MGLL: variants seen among roughly 807,000 people sequenced by gnomAD.
The protein encoded by MGLL is monoglyceride lipase.
MGLL carries 7 observed loss-of-function variants against 29.1 expected under a neutral mutation model. The observed-to-expected ratio is 0.24, with a 90% CI of 0.14 to 0.45. The LOEUF (loss-of-function observed/expected upper bound fraction) is 0.45. MGLL is among the 20% of genes least tolerant of loss of function. MGLL has a pLI of 0.99. For synonymous variants in MGLL, 148 were observed against 168.3 expected, an observed-to-expected ratio of 0.88 and a Z score of 0.93; for missense variants, 356 against 413.6, an observed-to-expected ratio of 0.86 and a Z score of 1.21.
intron 6 of MGLL, among the ~76,000 whole-genome samples, chr3:127,699,242 T>G (rs549849235): frequency 9.2e-5 from 14 of 152,330 alleles, no homozygotes; most frequent in Admixed American, 9.2e-4. Context: ...GGGAAGAAAC[T>G]TTGCACTGAA....
chr3:127,822,920 C>CACACGCGCGCACACTCGG (rs1491524659), upstream of MGLL: 1 of 155,548 alleles, frequency 6.4e-6, no homozygotes, highest in Non-Finnish European at 1.4e-5. Context: ...CGCGCGCGCG[C>CACACGCGCGCACACTCGG]ACACGCGCGC....
intron 6 of MGLL, among the ~76,000 whole-genome samples, chr3:127,706,545 C>T (rs73859254): frequency 3.0e-4 from 46 of 152,318 alleles, no homozygotes; most frequent in African/African-American, 9.9e-4. Flanking sequence ...TGGTGCAGGG[C>T]GCAAAAGCAA....
At chr3:127,756,996 C>T (rs1274094778) in intron 3 of MGLL, among the ~76,000 whole-genome samples, 1 of 152,164 alleles carries the variant, frequency 6.6e-6, no homozygotes, top group South Asian at 2.1e-4. Context: ...CCCCACTGTC[C>T]CCACCCTGTA....
intron 2 of MGLL, among the ~76,000 whole-genome samples, chr3:127,820,956 C>G (rs1329672975): frequency 6.6e-6 from 1 of 152,164 alleles, no homozygotes; most frequent in Non-Finnish European, 1.5e-5. Context: ...TCCAACCACA[C>G]AATGATCCCT....
At chr3:127,748,182 T>C (rs897688692) in intron 3 of MGLL, among the ~76,000 whole-genome samples, 1 of 152,136 alleles carries the variant, frequency 6.6e-6, no homozygotes, top group African/African-American at 2.4e-5. Flanking sequence ...GTTTAATATT[T>C]TTCCATAAAA....
At chr3:127,802,934 T>C (rs1576309098) in intron 2 of MGLL, among the ~76,000 whole-genome samples, 1 of 151,972 alleles carries the variant, frequency 6.6e-6, no homozygotes, top group Non-Finnish European at 1.5e-5. Context: ...CTCGCTTCTG[T>C]GCAAGAGCTT....
chr3:127,748,448 G>T (rs1031611205), intron 3 of MGLL, among the ~76,000 whole-genome samples: 15 of 151,368 alleles, frequency 9.9e-5, no homozygotes, highest in African/African-American at 2.4e-4. Flanking sequence ...GAGAGAGAGA[G>T]ATATTCCTAT....
chr3:127,706,873 C>G (rs2075612971), intron 6 of MGLL, among the ~76,000 whole-genome samples: 1 of 152,208 alleles, frequency 6.6e-6, no homozygotes, highest in Non-Finnish European at 1.5e-5. Context: ...TGTGGTTACG[C>G]TTAAGTCGAA....
At chr3:127,701,232 A>AAAAAAAAAAAAAAC (rs1203917436) in intron 6 of MGLL, among the ~76,000 whole-genome samples, 1 of 150,890 alleles carries the variant, frequency 6.6e-6, no homozygotes, top group African/African-American at 2.4e-5. Flanking sequence ...AAAAAAAAAA[A>AAAAAAAAAAAAAAC]AGCCACCACC....
In MGLL at chr3:127,759,580, G is replaced by A. The variant is rs533723362; in HGVS notation, c.262+22209C>T. On this transcript the variant is annotated intron_variant, in intron 3 of 7. Coordinates refer to ENST00000265052, the MANE Select transcript of MGLL (RefSeq NM_007283.7). ...GTCTCACTGCACCTTCCCCTGCTTA[G>A]AGGTCATTTTCCAAGGAAGGGAAGA... is the stretch of plus-strand genomic sequence containing the variant. Among the ~76,000 whole-genome samples the A allele has an allele frequency of 5.9e-5, 9 of 152,338 alleles. No homozygotes were observed. The East Asian group carries it at 1.7e-3, about 29-fold the overall frequency.
intron 3 of MGLL, among the ~76,000 whole-genome samples, chr3:127,765,770 G>C (rs558494296): frequency 6.6e-6 from 1 of 152,198 alleles, no homozygotes; most frequent in Non-Finnish European, 1.5e-5. Flanking sequence ...TGGCCGCATC[G>C]CTCCAGATTA....
upstream of MGLL, chr3:127,822,534 C>G (rs759993236): frequency 3.3e-6 from 2 of 599,722 alleles, no homozygotes; most frequent in South Asian, 4.0e-5. Context: ...CCTCCCTCCC[C>G]AGGGCGGGGA....
At chr3:127,783,408 A>G (rs2077162952) in intron 2 of MGLL, among the ~76,000 whole-genome samples, 1 of 152,004 alleles carries the variant, frequency 6.6e-6, no homozygotes, top group South Asian at 2.1e-4. Flanking sequence ...CTGGTTCTCT[A>G]GTTGCCTGCC....
At chr3:127,785,949 C>T (rs1382337298) in intron 2 of MGLL, among the ~76,000 whole-genome samples, 1 of 152,232 alleles carries the variant, frequency 6.6e-6, no homozygotes, top group East Asian at 1.9e-4. Context: ...CCAGGGAAGG[C>T]CCCTGAGTGT....
At chr3:127,799,480 T>C (rs958687160) in intron 2 of MGLL, 2 of 152,012 alleles carry the variant, frequency 1.3e-5, no homozygotes, top group Non-Finnish European at 2.9e-5. Context: ...TCCCTCAGAG[T>C]GGGTGAGAAG....
Position 127,822,442 on chromosome 3 carries a change from G to T in MGLL, c.-124C>A, listed in dbSNP as rs2077879654. 1 of 1,004,464 alleles carries T rather than the reference G, an allele frequency of 1.0e-6. No individual in the cohort carries two copies. The highest frequency in any genetic ancestry group is 1.6e-6 in the Non-Finnish European group (1 of 643,180). 62.2% of individuals were successfully genotyped at this position (1,004,464 alleles called of 1,614,324 possible). A position where few individuals can be genotyped will look rare whatever the true frequency, so the allele number is the denominator to read the frequency against. ...GAAGGCAGCTCCGAGCCCTCTTCCC[G>T]CACCCAGACCCTGCCTTTCGGGCTG... On this transcript the variant is annotated 5_prime_UTR_variant, in exon 1 of 8. Transcript: ENST00000265052.
chr3:127,732,413 C>T (rs1026153412), intron 3 of MGLL, among the ~76,000 whole-genome samples: 2 of 152,208 alleles, frequency 1.3e-5, no homozygotes, highest in African/African-American at 4.8e-5. Context: ...GACTTGAGTA[C>T]AGGGTGTGAA....
At chr3:127,729,063 A>T (rs2076098159) in intron 3 of MGLL, among the ~76,000 whole-genome samples, 1 of 151,962 alleles carries the variant, frequency 6.6e-6, no homozygotes, top group Non-Finnish European at 1.5e-5. Flanking sequence ...TTTGTATATT[A>T]GTTGGTCATT....
chr3:127,802,968 G>GTC (rs142783705), intron 2 of MGLL, among the ~76,000 whole-genome samples: 44 of 151,012 alleles, frequency 2.9e-4, no homozygotes, highest in African/African-American at 6.1e-4. Flanking sequence ...TCAAGCCTGA[G>GTC]TCTCTCTCTC....
Sources: allele counts gnomAD v4.1 joint callset (sites outside exome capture counted in the v4.1 genomes callset), GRCh38; gene constraint gnomAD v4.1.1; transcripts MANE v1.5; gene names NCBI Gene and HGNC (gene_info 2026-07-23, HGNC 2026-07-21).